AKT1: variants seen among roughly 807,000 people sequenced by gnomAD.
AKT1 encodes the protein AKT serine/threonine kinase 1, also known as RAC-alpha serine/threonine-protein kinase.
Under a neutral mutation model 63.1 loss-of-function variants are expected in AKT1, and 21 were observed. That is an observed-to-expected ratio of 0.33 (90% CI 0.24 to 0.48). AKT1 has a LOEUF of 0.48. Ranked by LOEUF, AKT1 falls within the 20% of genes least tolerant of loss-of-function variation. The pLI is 0.99. For synonymous variants in AKT1, 257 were observed against 253.1 expected (o/e 1.02, Z -0.15); for missense variants, 382 against 666.0 (o/e 0.57, Z 4.69).
At position 104,782,892 on chromosome 14, in the gene AKT1, G is replaced by T. The variant is rs535177132; in HGVS notation, c.47-2676C>A. Reference sequence around the variant, plus strand: ...AGGGTCAGCTAGAGGATCACTTGGGGGGGTGCCAGCTGCAGCCAGGGCCGT... The same window carrying T: ...AGGGTCAGCTAGAGGATCACTTGGGTGGGTGCCAGCTGCAGCCAGGGCCGT... On this transcript the variant is annotated intron_variant, in intron 3 of 14. Coordinates refer to ENST00000649815, the MANE Select transcript of AKT1 (RefSeq NM_001382430.1). Among the ~76,000 whole-genome samples the T allele has an allele frequency of 2.6e-5, 4 of 152,280 alleles. 1 individual carries two copies. The highest frequency in any genetic ancestry group is 7.2e-5 in the African/African-American group (3 of 41,558).
At chr14:104,792,471 T>C in intron 3 of AKT1, 127 bp downstream of exon 3, 3 of 1,128,700 alleles carry the variant, frequency 2.7e-6, no homozygotes, top group Admixed American at 1.7e-5. Flanking sequence ...ACACTCACCC[T>C]AGGCCAGCCC....
chr14:104,776,784 G>A lies in AKT1; in HGVS notation c.176-14C>T, dbSNP rs1892739722. 2 of 1,610,448 alleles carry A rather than the reference G, an allele frequency of 1.2e-6. No individual in the cohort carries two copies. Among genetic ancestry groups the A allele is most frequent in the African/African-American group, 1.3e-5 (1 of 75,022 alleles). On this transcript the variant is annotated splice_polypyrimidine_tract_variant and intron_variant, in intron 4 of 14. Coordinates refer to ENST00000649815, the MANE Select transcript of AKT1 (RefSeq NM_001382430.1). Reference sequence around the variant, plus strand: ...TCAGCTGGCACTCTGCGGGCAGGCAGAGCCTCTGTCTGCGTGCATCCCCCT... The same window carrying A: ...TCAGCTGGCACTCTGCGGGCAGGCAAAGCCTCTGTCTGCGTGCATCCCCCT...
Position 104,770,419 on chromosome 14 carries a change from A to G in AKT1, c.1365T>C (p.Asp455=). The part of the protein sequence containing the change: ...QMITITPPDQ[D]DSMECVDSER... ...CGCTGTCCACACACTCCATGCTGTC[A>G]TCTGTGGGTGTAGACAGCTCAGACC... Residue 455 remains aspartate (D), a splice_region_variant and synonymous_variant, in exon 15 of 15, where the codon GAT becomes GAC. Coordinates refer to ENST00000649815, the MANE Select transcript of AKT1 (RefSeq NM_001382430.1). The G allele has an allele frequency of 6.2e-7, 1 of 1,609,158 alleles. No homozygotes were observed. Among genetic ancestry groups the G allele is most frequent in the Non-Finnish European group, 8.5e-7 (1 of 1,178,778 alleles).
intron 6 of AKT1, 67 bp downstream of exon 6, chr14:104,775,585 T>A: frequency 6.4e-7 from 1 of 1,562,016 alleles, no homozygotes; most frequent in Non-Finnish European, 8.7e-7. Flanking sequence ...TGGGACCCCA[T>A]GACCCACCCA....
intron 3 of AKT1, among the ~76,000 whole-genome samples, chr14:104,785,840 C>T (rs988259445): frequency 3.9e-5 from 6 of 152,126 alleles, no homozygotes; most frequent in African/African-American, 2.4e-5. Flanking sequence ...CGCTGAGGCA[C>T]AGCCGGAGGC....
chr14:104,773,182 G>A (rs915468534), intron 11 of AKT1, 69 bp downstream of exon 11: 25 of 1,610,980 alleles, frequency 1.6e-5, no homozygotes, highest in African/African-American at 6.7e-5. Context: ...GCACAGAGAG[G>A]ACACAGCATT....
chr14:104,774,137 A>C, intron 8 of AKT1, 157 bp from the exon 9 acceptor site: 4 of 635,124 alleles, frequency 6.3e-6, no homozygotes, highest in Admixed American at 2.2e-5. Context: ...CTGATACCAC[A>C]CCGCCCGATA....
At chr14:104,789,457 G>A (rs1893514195) in intron 3 of AKT1, among the ~76,000 whole-genome samples, 1 of 152,246 alleles carries the variant, frequency 6.6e-6, no homozygotes, top group Non-Finnish European at 1.5e-5. Flanking sequence ...TTTGGGGAAA[G>A]TACCTCAAAA....
intron 3 of AKT1, among the ~76,000 whole-genome samples, chr14:104,788,112 G>A (rs887059341): frequency 2.6e-5 from 4 of 152,166 alleles, no homozygotes; most frequent in South Asian, 2.1e-4. Context: ...GCCTGCCCAC[G>A]GGGGCCGTTC....
intron 3 of AKT1, among the ~76,000 whole-genome samples, chr14:104,782,689 C>T (rs571295469): frequency 6.6e-6 from 1 of 152,200 alleles, no homozygotes; most frequent in African/African-American, 2.4e-5. Flanking sequence ...ACCCAGGGAA[C>T]AGACGGCGAT....
Position 104,776,654 on chromosome 14 carries a change from C to T in AKT1, c.287+5G>A, listed in dbSNP as rs373853807. 153 of 1,611,978 alleles carry T rather than the reference C, an allele frequency of 9.5e-5. No homozygotes were observed. Among genetic ancestry groups the T allele is most frequent in the South Asian group, 2.3e-4 (21 of 91,002 alleles). On this transcript the variant is annotated splice_donor_5th_base_variant and intron_variant, in intron 5 of 14. Coordinates refer to ENST00000649815, the MANE Select transcript of AKT1 (RefSeq NM_001382430.1). ...TGCCTGGCCTGGCCGCCACAGCCCA[C>T]GTACCGCTCCTCAGGAGTCTCCACA...
At chr14:104,791,943 C>T (rs886115265) in intron 3 of AKT1, among the ~76,000 whole-genome samples, 10 of 152,188 alleles carry the variant, frequency 6.6e-5, no homozygotes, top group Non-Finnish European at 1.2e-4. Flanking sequence ...CGCTGAGCAA[C>T]GGAGGGTGGG....
rs1332071583 is a variant in AKT1 at position 104,795,417 on chromosome 14, G to C, written c.-258+67C>G. ...CTCGCGCCCCGGCCCGACCGGCCGCGAACAAAGCGGCCCGGCCCGCGGGGA... is the reference window on the plus strand; with the variant it reads ...CTCGCGCCCCGGCCCGACCGGCCGCCAACAAAGCGGCCCGGCCCGCGGGGA... On this transcript the variant is annotated intron_variant, in intron 1 of 14. Coordinates refer to ENST00000649815, the MANE Select transcript of AKT1 (RefSeq NM_001382430.1). This position sits in a 1 kb window ranked among gnomAD's most constrained non-coding sequence, Gnocchi z 5.1. The C allele has an allele frequency of 6.8e-6, 1 of 147,634 alleles. No individual in the cohort carries two copies. Among genetic ancestry groups the C allele is most frequent in the South Asian group, 2.1e-4 (1 of 4,796 alleles). 9.1% of individuals were successfully genotyped at this position (147,634 alleles called of 1,614,324 possible). A position where few individuals can be genotyped will look rare whatever the true frequency, so the allele number is the denominator to read the frequency against.
intron 4 of AKT1, chr14:104,777,709 A>C (rs1331993857): frequency 7.1e-6 from 7 of 985,456 alleles, no homozygotes; most frequent in South Asian, 4.7e-5. Context: ...AAGCAGGAGG[A>C]GGCTGAGGGG....
chr14:104,783,308 C>A (rs775913470), intron 3 of AKT1, among the ~76,000 whole-genome samples: 5 of 152,170 alleles, frequency 3.3e-5, no homozygotes, highest in Admixed American at 6.5e-5. Flanking sequence ...AGATGCCCCC[C>A]ACTCGAGGCA....
intron 3 of AKT1, among the ~76,000 whole-genome samples, chr14:104,781,686 C>G (rs888833075): frequency 3.3e-5 from 5 of 152,174 alleles, no homozygotes; most frequent in Non-Finnish European, 5.9e-5. Flanking sequence ...TCTCTCTGCC[C>G]AAGCCAGGGC....
chr14:104,773,527 G>A lies in AKT1; in HGVS notation c.756C>T (p.Phe252=). Reference sequence around the variant, plus strand: ...GGGCTGACACAATCTCAGCGCCATAGAAGCGGGCCCGGTCCTCGGAGAACA... The same window carrying A: ...GGGCTGACACAATCTCAGCGCCATAAAAGCGGGCCCGGTCCTCGGAGAACA... ...ERVFSEDRAR[F]YGAEIVSALD... Residue 252 remains phenylalanine (F), a synonymous_variant, in exon 10 of 15, where the codon TTC becomes TTT. Coordinates refer to ENST00000649815, the MANE Select transcript of AKT1 (RefSeq NM_001382430.1). 2 of 1,613,196 alleles carry A rather than the reference G, an allele frequency of 1.2e-6. No individual in the cohort carries two copies. Among genetic ancestry groups the A allele is most frequent in the African/African-American group, 1.3e-5 (1 of 75,056 alleles).
At chr14:104,786,900 C>T (rs2140985530) in intron 3 of AKT1, among the ~76,000 whole-genome samples, 1 of 152,304 alleles carries the variant, frequency 6.6e-6, no homozygotes, top group African/African-American at 2.4e-5. Context: ...AGCCGAAGGG[C>T]CTCTCTGCAT....
Position 104,773,299 on chromosome 14 carries a change from A to T in AKT1, c.909T>A (p.Gly303=). The T allele has an allele frequency of 6.2e-7, 1 of 1,614,176 alleles. No homozygotes were observed. The highest frequency in any genetic ancestry group is 8.5e-7 in the Non-Finnish European group (1 of 1,180,020). The change falls in exon 11 of 15, where the codon GGT becomes GGA. Residue 303 remains glycine, a synonymous_variant. Coordinates refer to ENST00000649815, the MANE Select transcript of AKT1 (RefSeq NM_001382430.1). ...FGLCKEGIKD[G]ATMKTFCGTP... ...TGCCGCAAAAGGTCTTCATGGTGGC[A>T]CCGTCCTTGATCCCCTCCTTGCACA...
Sources: gnomAD v4.1 joint callset for allele counts (sites outside exome capture counted in the v4.1 genomes callset) on GRCh38, gnomAD v4.1.1 for gene constraint, Gnocchi (gnomAD v3.1) non-coding constraint, MANE v1.5 for transcripts, NCBI Gene and HGNC (gene_info 2026-07-23, HGNC 2026-07-21) for gene names.